HEXA: variants seen among roughly 807,000 people sequenced by gnomAD.
HEXA encodes the protein hexosaminidase subunit alpha.
HEXA carries 54 observed loss-of-function variants against 73.3 expected under a neutral mutation model. That is an observed-to-expected ratio of 0.74 (90% CI 0.59 to 0.92). The LOEUF is 0.92. HEXA is among the 40% of genes least tolerant of loss of function. The pLI is 0.00. For missense variants in HEXA, 649 were observed against 653.0 expected, an observed-to-expected ratio of 0.99 and a Z score of 0.07; for synonymous variants, 230 against 246.9, an observed-to-expected ratio of 0.93 and a Z score of 0.64.
rs113790600 is a variant in HEXA, at chr15:72,355,470, G to C, written c.412+89C>G. The C allele has an allele frequency of 6.3e-4, 571 of 903,960 alleles. 1 individual carries two copies. In the African/African-American group the frequency reaches 8.6e-3, roughly 14 times the overall value. 56.0% of individuals were successfully genotyped at this position (903,960 alleles called of 1,614,324 possible). A position where few individuals can be genotyped will look rare whatever the true frequency, so the allele number is the denominator to read the frequency against. Reference sequence around the variant, plus strand: ...GAGCCTAGGAGGCAGAGGTTGCAGTGAGCAGGGACTGGGCCACTGCACTCC... The same window carrying C: ...GAGCCTAGGAGGCAGAGGTTGCAGTCAGCAGGGACTGGGCCACTGCACTCC... On this transcript the variant is annotated intron_variant, in intron 3 of 13. Coordinates refer to ENST00000268097, the MANE Select transcript of HEXA (RefSeq NM_000520.6).
chr15:72,371,454 T>C (rs1481643598), intron 1 of HEXA, among the ~76,000 whole-genome samples: 1 of 151,684 alleles, frequency 6.6e-6, no homozygotes, highest in Admixed American at 6.6e-5. Flanking sequence ...AAAAATTAGC[T>C]ATGCACCTGT....
chr15:72,353,930 T>C, intron 3 of HEXA, 193 bp from the exon 4 acceptor site: 1 of 640,554 alleles, frequency 1.6e-6, no homozygotes, highest in Non-Finnish European at 2.8e-6. Context: ...TACTTCTGTA[T>C]TTCATTTTGG....
intron 5 of HEXA, 56 bp downstream of exon 5, chr15:72,353,012 G>T: frequency 9.5e-7 from 1 of 1,057,490 alleles, no homozygotes; most frequent in Non-Finnish European, 1.5e-6. Context: ...TGGTCTGTCC[G>T]TTGCTCCATC....
intron 1 of HEXA, 127 bp downstream of exon 1, chr15:72,375,593 G>A: frequency 5.1e-6 from 5 of 975,260 alleles, no homozygotes; most frequent in South Asian, 4.6e-5. Context: ...AGCTCGAGGA[G>A]GAAGTGGAGT....
At chr15:72,352,987 T>C in intron 5 of HEXA, 81 bp downstream of exon 5, 3 of 864,830 alleles carry the variant, frequency 3.5e-6, no homozygotes, top group South Asian at 1.4e-5. Flanking sequence ...TCTAACTCTT[T>C]AAGAATTTGG....
intron 1 of HEXA, chr15:72,358,359 T>G (rs888754047): frequency 1.3e-5 from 2 of 152,324 alleles, no homozygotes; most frequent in Admixed American, 6.5e-5. Flanking sequence ...CTAATCCATA[T>G]GCAACTACCA....
chr15:72,358,736 G>T (rs1028597097), intron 1 of HEXA: 2 of 152,180 alleles, frequency 1.3e-5, no homozygotes, highest in Non-Finnish European at 2.9e-5. Flanking sequence ...GGGCATGGCT[G>T]CTGTTTAAAC....
chr15:72,353,895 A>G, intron 3 of HEXA, 158 bp from the exon 4 acceptor site: 1 of 689,348 alleles, frequency 1.5e-6, no homozygotes, highest in East Asian at 2.7e-5. Context: ...TGAAAAGGGG[A>G]TATTAGGAAG....
chr15:72,371,499 C>G (rs2088991050), intron 1 of HEXA, among the ~76,000 whole-genome samples: 1 of 149,434 alleles, frequency 6.7e-6, no homozygotes, highest in South Asian at 2.1e-4. Flanking sequence ...GATGGGAGGA[C>G]AGCTTGAGCC....
At chr15:72,358,633 T>TC (rs2088815012) in intron 1 of HEXA, 1 of 152,154 alleles carries the variant, frequency 6.6e-6, no homozygotes, top group Non-Finnish European at 1.5e-5. Context: ...TTACAATTCT[T>TC]CCACTCCCTG....
chr15:72,352,447 C>CAAAAAAAAAA (rs540544720), intron 5 of HEXA, among the ~76,000 whole-genome samples: 2 of 67,144 alleles, frequency 3.0e-5, no homozygotes, highest in African/African-American at 9.3e-5. Flanking sequence ...ACAAAAAATA[C>CAAAAAAAAAA]AAAAAAAAAA....
In HEXA at chr15:72,375,980, T is replaced by A. The variant is rs1202806871; in HGVS notation, c.-8A>T. 79 of 1,612,720 alleles carry A rather than the reference T, an allele frequency of 4.9e-5. No individual in the cohort carries two copies. The Admixed American group carries it at 1.3e-3, about 27-fold the overall frequency. ...AAGCCTGGAGCTTGTCATGGCCCGCTGGTCTCCCCTCTCGGAGGGGGCTGG... is the reference window on the plus strand; with the variant it reads ...AAGCCTGGAGCTTGTCATGGCCCGCAGGTCTCCCCTCTCGGAGGGGGCTGG... On this transcript the variant is annotated 5_prime_UTR_variant, in exon 1 of 14. Coordinates refer to ENST00000268097, the MANE Select transcript of HEXA (RefSeq NM_000520.6).
At position 72,353,058 on chromosome 15, in the gene HEXA, G is replaced by C. The variant is rs1453635996; in HGVS notation, c.570+10C>G. 5 of 1,529,774 alleles carry C rather than the reference G, an allele frequency of 3.3e-6. No homozygotes were observed. The highest frequency in any genetic ancestry group is 4.5e-6 in the Non-Finnish European group (5 of 1,103,078). The allele number at this position is 1,529,774 out of a possible 1,614,324, so 94.8% of individuals were successfully genotyped here. On this transcript the variant is annotated intron_variant, in intron 5 of 13. Coordinates refer to ENST00000268097, the MANE Select transcript of HEXA (RefSeq NM_000520.6). ...TCTTAAGTGTGAAGAAGGCCTTAAGGCCTGGTTACCAGAGTGTCCAGGATG... is the reference window on the plus strand; with the variant it reads ...TCTTAAGTGTGAAGAAGGCCTTAAGCCCTGGTTACCAGAGTGTCCAGGATG...
chr15:72,345,260 AT>A (rs954565361), intron 13 of HEXA, 185 bp downstream of exon 13: 2 of 1,163,420 alleles, frequency 1.7e-6, no homozygotes, highest in Non-Finnish European at 2.4e-6. Context: ...TATTTGTACC[AT>A]TTTTTGTTGT....
chr15:72,359,706 A>AC (rs1402512652), intron 1 of HEXA: 1 of 148,220 alleles, frequency 6.7e-6, no homozygotes, highest in Admixed American at 6.6e-5. Flanking sequence ...AAAAAAAAAA[A>AC]AAAAAAAAAA....
chr15:72,355,207 GA>G, intron 3 of HEXA: 1 of 352,542 alleles, frequency 2.8e-6, no homozygotes, highest in Non-Finnish European at 5.5e-6. Flanking sequence ...ACAGAGACGG[GA>G]AAACACGCCA....
chr15:72,345,368 T>C, intron 13 of HEXA, 78 bp downstream of exon 13: 2 of 1,592,946 alleles, frequency 1.3e-6, no homozygotes, highest in East Asian at 2.2e-5. Flanking sequence ...TGTTAATTAT[T>C]GTCTTCCTCT....
intron 1 of HEXA, among the ~76,000 whole-genome samples, chr15:72,362,697 G>A (rs1301474615): frequency 6.6e-6 from 1 of 152,146 alleles, no homozygotes; most frequent in African/African-American, 2.4e-5. Flanking sequence ...TAAATTCTAA[G>A]ATTTAGGTCT....
At chr15:72,356,974 T>C (rs866810423) in intron 1 of HEXA, 3 of 378,448 alleles carry the variant, frequency 7.9e-6, no homozygotes, top group Non-Finnish European at 1.5e-5. Context: ...ACTCCAAGTA[T>C]GGTCTGCAGA....
Sources: allele counts gnomAD v4.1 joint callset (sites outside exome capture counted in the v4.1 genomes callset), GRCh38; gene constraint gnomAD v4.1.1; transcripts MANE v1.5; gene names NCBI Gene and HGNC (gene_info 2026-07-23, HGNC 2026-07-21).